The following SYNPR variants were observed in gnomAD, a reference collection of about 807,000 sequenced individuals.
SYNPR encodes the protein synaptoporin.
SYNPR carries 23 observed loss-of-function variants against 32.9 expected under a neutral mutation model. The observed-to-expected ratio is 0.70, with a 90% CI of 0.50 to 0.99. SYNPR has a LOEUF of 0.99. SYNPR is among the 50% of genes least tolerant of loss of function. SYNPR has a pLI of 0.00. For synonymous variants in SYNPR, 146 were observed against 135.9 expected (o/e 1.07, Z -0.52); for missense variants, 318 against 349.3 (o/e 0.91, Z 0.71).
intron 2 of SYNPR, among the ~76,000 whole-genome samples, chr3:63,345,253 G>T (rs1258209313): frequency 1.3e-5 from 2 of 152,178 alleles, no homozygotes; most frequent in East Asian, 3.9e-4. Context: ...TTTGGGAAGG[G>T]GCTAGTATCA....
intron 3 of SYNPR, among the ~76,000 whole-genome samples, chr3:63,522,859 T>C (rs1341374263): frequency 6.6e-6 from 1 of 152,034 alleles, no homozygotes; most frequent in East Asian, 1.9e-4. Context: ...GGCCATGCAA[T>C]GGAGTTCAGA....
rs145165285 is a variant in SYNPR, at chr3:63,379,862, G to A, written c.85-100970G>A. Among the ~76,000 whole-genome samples the A allele has an allele frequency of 9.3e-4, 139 of 149,190 alleles. 2 individuals are homozygous for A. The East Asian group carries it at 0.026, about 28-fold the overall frequency. On this transcript the variant is annotated intron_variant, in intron 2 of 5. Transcript: ENST00000478300. ...CTCCCCCAACCCCACAAAAGGCCCC[G>A]GTGTGTGATGTTCCCCTTCCTGTGT...
At chr3:63,331,534 G>T (rs1434000437) in intron 2 of SYNPR, among the ~76,000 whole-genome samples, 1 of 151,926 alleles carries the variant, frequency 6.6e-6, no homozygotes, top group Admixed American at 6.6e-5. Context: ...CTTCTTAAAT[G>T]CTCACGTATC....
the SYNPR span, among the ~76,000 whole-genome samples, chr3:63,223,084 G>A: frequency 2.0e-5 from 3 of 152,116 alleles, no homozygotes; most frequent in Admixed American, 6.6e-5. Context: ...ACTCACAGAG[G>A]AGGAAGAGAG....
At chr3:63,281,627 C>T (rs2086630982) in intron 2 of SYNPR, among the ~76,000 whole-genome samples, 1 of 152,124 alleles carries the variant, frequency 6.6e-6, no homozygotes, top group South Asian at 2.1e-4. Context: ...TATAAGAACA[C>T]TAATCCCATT....
At chr3:63,531,319 C>T (rs1702109406) in intron 3 of SYNPR, among the ~76,000 whole-genome samples, 1 of 152,034 alleles carries the variant, frequency 6.6e-6, no homozygotes, top group African/African-American at 2.4e-5. Flanking sequence ...GGCTCTGCTC[C>T]CTCTAAAACT....
intron 2 of SYNPR, among the ~76,000 whole-genome samples, chr3:63,478,517 G>GTA (rs1306017177): frequency 7.9e-5 from 12 of 152,180 alleles, no homozygotes; most frequent in African/African-American, 2.9e-4. Context: ...GTTACATGCT[G>GTA]GACACAATGC....
intron 1 of SYNPR, among the ~76,000 whole-genome samples, chr3:63,250,827 G>A (rs780886060): frequency 3.3e-5 from 5 of 152,112 alleles, no homozygotes; most frequent in Admixed American, 2.6e-4. Flanking sequence ...TCAAGATGAT[G>A]TGCTGAGCAT....
intron 4 of SYNPR, among the ~76,000 whole-genome samples, chr3:63,588,657 A>G (rs566584694): frequency 6.6e-6 from 1 of 152,116 alleles, no homozygotes; most frequent in Non-Finnish European, 1.5e-5. Context: ...CAAAACCAAT[A>G]ATCAATTTTT....
At chr3:63,501,160 A>G (rs28631082) in intron 3 of SYNPR, among the ~76,000 whole-genome samples, 43,331 of 152,014 alleles carry the variant, frequency 0.29, 7,164 homozygotes, top group African/African-American at 0.46. Flanking sequence ...AAATGTCATT[A>G]TACTCACCTC....
chr3:63,559,042 T>C (rs1702639398), intron 4 of SYNPR, among the ~76,000 whole-genome samples: 1 of 151,044 alleles, frequency 6.6e-6, no homozygotes, highest in African/African-American at 2.4e-5. Context: ...ATTGATACAA[T>C]AATTTTATTT....
chr3:63,459,639 T>C (rs971059788), intron 2 of SYNPR, among the ~76,000 whole-genome samples: 1 of 152,116 alleles, frequency 6.6e-6, no homozygotes, highest in Non-Finnish European at 1.5e-5. Flanking sequence ...TTGAATTAAA[T>C]CTCAAATTTC....
At chr3:63,539,760 T>C (rs369842962) in intron 3 of SYNPR, among the ~76,000 whole-genome samples, 2 of 152,080 alleles carry the variant, frequency 1.3e-5, no homozygotes, top group East Asian at 1.9e-4. Context: ...CCAGTAAAGT[T>C]TGCATTAATG....
intron 4 of SYNPR, among the ~76,000 whole-genome samples, chr3:63,586,656 G>A (rs1703189797): frequency 6.8e-6 from 1 of 146,084 alleles, no homozygotes; most frequent in South Asian, 2.2e-4. Flanking sequence ...CAGATTCAAT[G>A]TGTGTGTGTG....
chr3:63,261,607 C>A (rs1378777487), intron 2 of SYNPR, among the ~76,000 whole-genome samples: 2 of 139,924 alleles, frequency 1.4e-5, no homozygotes, highest in South Asian at 4.8e-4. Flanking sequence ...AGGAGATATA[C>A]CTAATGTTAA....
At chr3:63,566,043 A>G (rs1044533867) in intron 4 of SYNPR, among the ~76,000 whole-genome samples, 1 of 152,164 alleles carries the variant, frequency 6.6e-6, no homozygotes, top group Non-Finnish European at 1.5e-5. Context: ...AGAGAGAAAA[A>G]TGCTGTCAAC....
intron 2 of SYNPR, among the ~76,000 whole-genome samples, chr3:63,346,218 A>T (rs923231634): frequency 3.9e-5 from 6 of 152,190 alleles, no homozygotes; most frequent in African/African-American, 1.4e-4. Flanking sequence ...CACTTTTTAC[A>T]TGCAGAACTT....
chr3:63,568,573 A>T (rs926162213), intron 4 of SYNPR, among the ~76,000 whole-genome samples: 2 of 152,162 alleles, frequency 1.3e-5, no homozygotes, highest in African/African-American at 2.4e-5. Context: ...TCCCCTCTTG[A>T]ATTTCTCTAT....
chr3:63,430,478 A>G (rs1333269146), intron 2 of SYNPR, among the ~76,000 whole-genome samples: 1 of 152,196 alleles, frequency 6.6e-6, no homozygotes, highest in Non-Finnish European at 1.5e-5. Flanking sequence ...GACAAACAGT[A>G]TAACTGAAAC....
Sources: gnomAD v4.1 joint callset for allele counts (sites outside exome capture counted in the v4.1 genomes callset) on GRCh38, gnomAD v4.1.1 for gene constraint, MANE v1.5 for transcripts, NCBI Gene and HGNC (gene_info 2026-07-23, HGNC 2026-07-21) for gene names.